SLC24A3: variants seen among roughly 807,000 people sequenced by gnomAD.
The protein encoded by SLC24A3 is sodium/potassium/calcium exchanger 3.
SLC24A3 carries 28 observed loss-of-function variants against 75.8 expected under a neutral mutation model. The observed-to-expected ratio is 0.37, with a 90% CI of 0.27 to 0.51. The LOEUF is 0.51. Ranked by LOEUF, SLC24A3 falls within the 20% of genes least tolerant of loss-of-function variation. SLC24A3 has a pLI of 0.94. For synonymous variants in SLC24A3, 372 were observed against 334.1 expected (o/e 1.11, Z -1.24); for missense variants, 663 against 847.8 (o/e 0.78, Z 2.71).
intron 2 of SLC24A3, among the ~76,000 whole-genome samples, chr20:19,343,920 G>A (rs578252232): frequency 5.1e-4 from 78 of 152,268 alleles, no homozygotes; most frequent in African/African-American, 1.8e-3. Context: ...GCCTGGACTC[G>A]GACTTGTTTT....
chr20:19,481,868 C>T (rs1162622180), intron 2 of SLC24A3, among the ~76,000 whole-genome samples: 2 of 152,082 alleles, frequency 1.3e-5, no homozygotes, highest in Non-Finnish European at 2.9e-5. Context: ...GCCTTATAAT[C>T]TTGGGCTCTA....
chr20:19,493,685 G>A (rs1988238267), intron 2 of SLC24A3, among the ~76,000 whole-genome samples: 1 of 152,098 alleles, frequency 6.6e-6, no homozygotes, highest in Admixed American at 6.5e-5. Flanking sequence ...CATAAAATGG[G>A]ATCACTGGAG....
chr20:19,389,683 A>AT (rs1432491457), intron 2 of SLC24A3, among the ~76,000 whole-genome samples: 1 of 152,248 alleles, frequency 6.6e-6, no homozygotes, highest in African/African-American at 2.4e-5. Context: ...ACTTTTGAGA[A>AT]TTGTATTATA....
chr20:19,418,613 G>T (rs1326797097), intron 2 of SLC24A3, among the ~76,000 whole-genome samples: 2 of 151,714 alleles, frequency 1.3e-5, no homozygotes, highest in Non-Finnish European at 2.9e-5. Flanking sequence ...TCATAAATAT[G>T]AGTTGACTAC....
At chr20:19,348,479 C>T (rs1293542491) in intron 2 of SLC24A3, among the ~76,000 whole-genome samples, 1 of 152,146 alleles carries the variant, frequency 6.6e-6, no homozygotes, top group Non-Finnish European at 1.5e-5. Flanking sequence ...GTCAGAGCAT[C>T]TAAAGCATAT....
chr20:19,546,712 C>A (rs2030602326), intron 3 of SLC24A3, among the ~76,000 whole-genome samples: 1 of 152,208 alleles, frequency 6.6e-6, no homozygotes, highest in Admixed American at 6.5e-5. Flanking sequence ...ATAATACCCT[C>A]AAGCCATCTG....
intron 3 of SLC24A3, among the ~76,000 whole-genome samples, chr20:19,569,812 G>A (rs981793017): frequency 6.6e-6 from 1 of 152,150 alleles, no homozygotes; most frequent in Non-Finnish European, 1.5e-5. Context: ...CAGGCCAAAG[G>A]TTCCCGTTGT....
intron 2 of SLC24A3, among the ~76,000 whole-genome samples, chr20:19,496,735 G>A (rs888977789): frequency 6.6e-6 from 1 of 152,136 alleles, no homozygotes; most frequent in African/African-American, 2.4e-5. Flanking sequence ...CCCACAGAGA[G>A]GAACTTCAGC....
chr20:19,392,148 G>A (rs546817977), intron 2 of SLC24A3, among the ~76,000 whole-genome samples: 3 of 152,216 alleles, frequency 2.0e-5, no homozygotes, highest in African/African-American at 7.2e-5. Flanking sequence ...TTAGAGGTCA[G>A]GTGAGGAATT....
chr20:19,508,941 C>T (rs536887411), intron 2 of SLC24A3, among the ~76,000 whole-genome samples: 1 of 152,348 alleles, frequency 6.6e-6, no homozygotes, highest in South Asian at 2.1e-4. Flanking sequence ...AATCACCATC[C>T]AGGTAAACAG....
intron 3 of SLC24A3, among the ~76,000 whole-genome samples, chr20:19,539,527 A>C (rs191929951): frequency 2.6e-5 from 4 of 152,118 alleles, no homozygotes; most frequent in Non-Finnish European, 5.9e-5. Context: ...TAAGCACTAT[A>C]TTTATTTTTG....
At position 19,613,095 on chromosome 20, in the gene SLC24A3, C is replaced by T. The variant is rs190273210; in HGVS notation, c.612+27551C>T. On this transcript the variant is annotated intron_variant, in intron 6 of 16. Transcript: ENST00000328041. ...CCATCTTGGTAAGGTCTTTTGTGGTCACCCTACTCACATGTTCACACACGT... is the reference window on the plus strand; with the variant it reads ...CCATCTTGGTAAGGTCTTTTGTGGTTACCCTACTCACATGTTCACACACGT... Among the ~76,000 whole-genome samples the T allele has an allele frequency of 2.3e-3, 345 of 152,312 alleles. 1 individual carries two copies. The highest frequency in any genetic ancestry group is 2.1e-3 in the Non-Finnish European group (144 of 68,028).
At chr20:19,589,381 G>T (rs528552363) in intron 6 of SLC24A3, among the ~76,000 whole-genome samples, 1 of 152,232 alleles carries the variant, frequency 6.6e-6, no homozygotes, top group Non-Finnish European at 1.5e-5. Context: ...GTTAAAGACT[G>T]CACTTAAGGG....
At chr20:19,327,673 C>T (rs1984901085) in intron 2 of SLC24A3, among the ~76,000 whole-genome samples, 1 of 152,224 alleles carries the variant, frequency 6.6e-6, no homozygotes, top group Non-Finnish European at 1.5e-5. Context: ...GTGAGCTTGT[C>T]TGCTCCCAGC....
At chr20:19,416,509 C>T (rs373287098) in intron 2 of SLC24A3, among the ~76,000 whole-genome samples, 148 of 152,308 alleles carry the variant, frequency 9.7e-4, no homozygotes, top group African/African-American at 3.5e-3. Flanking sequence ...AAGGGTCCTT[C>T]TCCCTCACAG....
intron 2 of SLC24A3, among the ~76,000 whole-genome samples, chr20:19,466,244 A>G (rs1444142913): frequency 1.3e-5 from 2 of 152,208 alleles, no homozygotes; most frequent in African/African-American, 4.8e-5. Context: ...TCCCATACCT[A>G]TTCCCTGCAA....
intron 2 of SLC24A3, among the ~76,000 whole-genome samples, chr20:19,361,851 A>G (rs929412762): frequency 2.0e-5 from 3 of 152,320 alleles, no homozygotes; most frequent in Non-Finnish European, 2.9e-5. Flanking sequence ...ACTTTTATAC[A>G]TATCTTAAAA....
chr20:19,219,665 T>C (rs540328443), intron 1 of SLC24A3, among the ~76,000 whole-genome samples: 1 of 152,234 alleles, frequency 6.6e-6, no homozygotes, highest in East Asian at 1.9e-4. Context: ...AGGCAAAAGA[T>C]GCAGACAGGC....
chr20:19,412,981 TC>T (rs1216933370), intron 2 of SLC24A3, among the ~76,000 whole-genome samples: 13 of 152,172 alleles, frequency 8.5e-5, no homozygotes, highest in Admixed American at 8.5e-4. Flanking sequence ...GGGAGGAATA[TC>T]CCAACTGGTG....
Sources: allele counts gnomAD v4.1 joint callset (sites outside exome capture counted in the v4.1 genomes callset), GRCh38; gene constraint gnomAD v4.1.1; transcripts MANE v1.5; gene names NCBI Gene and HGNC (gene_info 2026-07-23, HGNC 2026-07-21).